Variants in GRIN2B observed in about 807,000 individuals in gnomAD.
The protein encoded by GRIN2B is glutamate ionotropic receptor NMDA type subunit 2B.
A neutral mutation model predicts 114.5 loss-of-function variants in GRIN2B; 5 were observed. The observed-to-expected ratio is 0.04, with a 90% CI of 0.02 to 0.09. The LOEUF (loss-of-function observed/expected upper bound fraction) is 0.09. GRIN2B is among the 10% of genes least tolerant of loss of function. The pLI is 1.00. For synonymous variants in GRIN2B, 787 were observed against 745.1 expected (o/e 1.06, Z -0.92); for missense variants, 1,108 against 1,943.5 (o/e 0.57, Z 8.08).
intron 5 of GRIN2B, among the ~76,000 whole-genome samples, chr12:13,660,756 A>G (rs1007719333): frequency 3.3e-5 from 5 of 152,220 alleles, no homozygotes; most frequent in African/African-American, 1.2e-4. Flanking sequence ...ATCCTTATTT[A>G]GCACTTGCAC....
chr12:13,566,459 T>G (rs1012850936), intron 13 of GRIN2B, among the ~76,000 whole-genome samples: 2 of 152,354 alleles, frequency 1.3e-5, no homozygotes, highest in African/African-American at 4.8e-5. Context: ...AAATAAAGAA[T>G]GACCTAAGAG....
At chr12:13,768,267 C>G (rs1863837486) in intron 3 of GRIN2B, among the ~76,000 whole-genome samples, 1 of 152,198 alleles carries the variant, frequency 6.6e-6, no homozygotes, top group South Asian at 2.1e-4. Flanking sequence ...CCGAAGCAGA[C>G]CATCTTGCAG....
chr12:13,743,729 CAT>C (rs897807567), intron 4 of GRIN2B, among the ~76,000 whole-genome samples: 7 of 151,892 alleles, frequency 4.6e-5, no homozygotes, highest in African/African-American at 7.3e-5. Flanking sequence ...GAAGCCTTCA[CAT>C]GTTTGTTATA....
chr12:13,558,418 CCAAA>C lies in GRIN2B; in HGVS notation c.*4361_*4364del, dbSNP rs1730272195. On this transcript the variant is annotated 3_prime_UTR_variant, in exon 14 of 14. Transcript: ENST00000609686. ...AATAGTTTTTCCAAAAGCTTATTGC[CCAAA>C]CAATCTGGTTATTCTATCTGTAAAT... 2 of 151,246 alleles carry C rather than the reference CCAAA, an allele frequency of 1.3e-5. No individual in the cohort carries two copies. The highest frequency in any genetic ancestry group is 4.2e-4 in the South Asian group (2 of 4,788). The allele number at this position is 151,246 out of a possible 1,614,324, so 9.4% of individuals were successfully genotyped here.
chr12:13,837,941 A>G (rs1178484051), intron 3 of GRIN2B, among the ~76,000 whole-genome samples: 1 of 152,194 alleles, frequency 6.6e-6, no homozygotes, highest in Non-Finnish European at 1.5e-5. Context: ...TGCGTTTCTA[A>G]CAAATGCAAA....
intron 10 of GRIN2B, among the ~76,000 whole-genome samples, chr12:13,597,854 G>C (rs1949095729): frequency 1.3e-5 from 2 of 152,320 alleles, no homozygotes; most frequent in Admixed American, 1.3e-4. Context: ...TTAATAGTAG[G>C]CTTGGCACAT....
In GRIN2B at chr12:13,555,607, G is replaced by A. The variant is rs1948470155; in HGVS notation, c.*7176C>T. On this transcript the variant is annotated 3_prime_UTR_variant, in exon 14 of 14. Coordinates refer to ENST00000609686, the MANE Select transcript of GRIN2B (RefSeq NM_000834.5). ...AGAAGAGGTCAGAGCATAGGGAAGAGGAGCACTTGGTTGGGAGAAAGGATG... is the reference window on the plus strand; with the variant it reads ...AGAAGAGGTCAGAGCATAGGGAAGAAGAGCACTTGGTTGGGAGAAAGGATG... The A allele has an allele frequency of 6.6e-6, 1 of 152,146 alleles. No homozygotes were observed. The highest frequency in any genetic ancestry group is 2.4e-5 in the African/African-American group (1 of 41,420). The allele number at this position is 152,146 out of a possible 1,614,324, so 9.4% of individuals were successfully genotyped here.
At chr12:13,800,056 C>G (rs893373710) in intron 3 of GRIN2B, among the ~76,000 whole-genome samples, 1 of 152,128 alleles carries the variant, frequency 6.6e-6, no homozygotes, top group Non-Finnish European at 1.5e-5. Flanking sequence ...AATGGGAACA[C>G]AAAGCAGCTC....
intron 3 of GRIN2B, among the ~76,000 whole-genome samples, chr12:13,764,345 T>G (rs1863737668): frequency 6.6e-6 from 1 of 152,208 alleles, no homozygotes; most frequent in Admixed American, 6.5e-5. Flanking sequence ...CCCTCCTTGC[T>G]GCAATCAGCA....
At chr12:13,739,162 C>A (rs985308205) in intron 4 of GRIN2B, among the ~76,000 whole-genome samples, 1 of 151,914 alleles carries the variant, frequency 6.6e-6, no homozygotes, top group Admixed American at 6.6e-5. Flanking sequence ...AGGCAGATCA[C>A]CTGAGGTCAG....
intron 4 of GRIN2B, among the ~76,000 whole-genome samples, chr12:13,698,899 T>C (rs1247622346): frequency 2.6e-5 from 4 of 152,086 alleles, no homozygotes; most frequent in African/African-American, 9.7e-5. Flanking sequence ...CTCAGGCTGG[T>C]CTCGAACTCC....
At chr12:13,571,417 C>G (rs1948707037) in intron 11 of GRIN2B, among the ~76,000 whole-genome samples, 1 of 152,150 alleles carries the variant, frequency 6.6e-6, no homozygotes, top group Non-Finnish European at 1.5e-5. Context: ...TACACTTTCC[C>G]CCTTTTATTT....
At chr12:13,805,420 G>A (rs1007665045) in intron 3 of GRIN2B, among the ~76,000 whole-genome samples, 4 of 152,070 alleles carry the variant, frequency 2.6e-5, no homozygotes, top group Non-Finnish European at 4.4e-5. Context: ...ACTACAAGAT[G>A]GTATTGTTCT....
intron 4 of GRIN2B, among the ~76,000 whole-genome samples, chr12:13,713,723 C>T (rs567770647): frequency 2.0e-5 from 3 of 151,766 alleles, no homozygotes; most frequent in African/African-American, 7.2e-5. Flanking sequence ...AAGAAAAGTA[C>T]GTAGAGAGTG....
At chr12:13,861,907 G>A (rs557140814) in intron 3 of GRIN2B, among the ~76,000 whole-genome samples, 2 of 152,146 alleles carry the variant, frequency 1.3e-5, no homozygotes, top group African/African-American at 4.8e-5. Flanking sequence ...TGTTAGGCTG[G>A]ACACTTCAGT....
In GRIN2B at chr12:13,865,945, G is replaced by A. The variant is rs897565929; in HGVS notation, c.264C>T (p.Leu88=). ...PKSIITRICD[L]MSDRKIQGVV... ...CCCCCTGGATCTTCCGGTCAGACAT[G>A]AGATCACAGATGCGGGTGATGATGC... Residue 88 remains leucine, a synonymous_variant, in exon 3 of 14, where the codon CTC becomes CTT. Transcript: ENST00000609686. The A allele has an allele frequency of 1.2e-6, 2 of 1,614,082 alleles. No homozygotes were observed. Among genetic ancestry groups the A allele is most frequent in the African/African-American group, 1.3e-5 (1 of 75,046 alleles).
In GRIN2B at chr12:13,721,319, T is replaced by G. The variant is rs575896766; in HGVS notation, c.1010+31998A>C. Among the ~76,000 whole-genome samples the G allele has an allele frequency of 2.0e-5, 3 of 152,040 alleles. No individual in the cohort carries two copies. In the South Asian group the frequency reaches 6.2e-4, roughly 32 times the overall value. On this transcript the variant is annotated intron_variant, in intron 4 of 13. Transcript: ENST00000609686. ...TTATTCTAAGTGTGACAGGAGGCCA[T>G]TGAAAAATTTTGATGTGATCATCTG...
intron 5 of GRIN2B, among the ~76,000 whole-genome samples, chr12:13,634,687 A>G (rs1949651950): frequency 6.6e-6 from 1 of 152,224 alleles, no homozygotes; most frequent in African/African-American, 2.4e-5. Flanking sequence ...AGAAAGGTGA[A>G]CAAACACATT....
intron 4 of GRIN2B, among the ~76,000 whole-genome samples, chr12:13,705,599 C>G (rs1290342018): frequency 6.6e-6 from 1 of 152,114 alleles, no homozygotes; most frequent in Non-Finnish European, 1.5e-5. Context: ...GTCTAATGAC[C>G]TGGCTGTAAC....
Sources: gnomAD v4.1 joint callset for allele counts (sites outside exome capture counted in the v4.1 genomes callset) on GRCh38, gnomAD v4.1.1 for gene constraint, MANE v1.5 for transcripts, NCBI Gene and HGNC (gene_info 2026-07-23, HGNC 2026-07-21) for gene names.